Variants in PKD1L3 observed in about 807,000 individuals in gnomAD.
The protein encoded by PKD1L3 is polycystin 1 like 3, transient receptor potential channel interacting, also known as polycystin-1-like protein 3.
A neutral mutation model predicts 184.1 loss-of-function variants in PKD1L3; 239 were observed. The observed-to-expected ratio is 1.30, with a 90% CI of 1.17 to 1.45. The LOEUF (loss-of-function observed/expected upper bound fraction) is 1.45. PKD1L3 is among the 40% of genes most tolerant of loss of function. PKD1L3 has a pLI of 0.00. For missense variants in PKD1L3, 2,660 were observed against 2,067.2 expected (o/e 1.29, Z -5.56); for synonymous variants, 996 against 778.8 (o/e 1.28, Z -4.64).
At chr16:71,942,347 A>G (rs903266139) in intron 24 of PKD1L3, among the ~76,000 whole-genome samples, 7 of 152,030 alleles carry the variant, frequency 4.6e-5, no homozygotes, top group African/African-American at 1.7e-4. Flanking sequence ...AAACGAACCA[A>G]AATCCTGCAA....
chr16:71,932,832 T>C (rs1215053884), intron 28 of PKD1L3, among the ~76,000 whole-genome samples: 1 of 142,102 alleles, frequency 7.0e-6, no homozygotes, highest in South Asian at 2.2e-4. Context: ...GGGTCTGGAG[T>C]GTAGTGGCAT....
In PKD1L3 at chr16:71,937,048, CCAT is replaced by C. The variant is rs1035736881; in HGVS notation, c.4452+241_4452+243del. Among the ~76,000 whole-genome samples, 9 of 152,114 alleles carry C rather than the reference CCAT, an allele frequency of 5.9e-5. No individual in the cohort carries two copies. The East Asian group carries it at 1.4e-3, about 23-fold the overall frequency. On this transcript the variant is annotated intron_variant, in intron 25 of 29. Coordinates refer to ENST00000620267, the MANE Select transcript of PKD1L3 (RefSeq NM_181536.2). ...CAACCTTTATTTCTCACATCTAACA[CCAT>C]CATCATCATCATCATTATTTTTGAG...
chr16:71,993,081 G>C (rs2040652162), intron 3 of PKD1L3, 135 bp downstream of exon 3: 8 of 587,518 alleles, frequency 1.4e-5, no homozygotes, highest in African/African-American at 2.0e-5. Flanking sequence ...GCCATATTAA[G>C]ATCAGACAGA....
chr16:71,996,181 C>T (rs566947758), intron 2 of PKD1L3, among the ~76,000 whole-genome samples: 10 of 150,800 alleles, frequency 6.6e-5, no homozygotes, highest in Admixed American at 2.0e-4. Flanking sequence ...AGGATATGGA[C>T]GCTGATACAG....
chr16:71,980,252 A>G, intron 7 of PKD1L3, 118 bp from the exon 8 acceptor site: 3 of 1,309,084 alleles, frequency 2.3e-6, no homozygotes, highest in South Asian at 1.5e-5. Flanking sequence ...GAAGGGTAGT[A>G]TTCCTTAGAG....
At chr16:71,982,854 A>C (rs2040214298) in intron 6 of PKD1L3, among the ~76,000 whole-genome samples, 1 of 152,136 alleles carries the variant, frequency 6.6e-6, no homozygotes, top group Non-Finnish European at 1.5e-5. Context: ...TTGGCCTCCC[A>C]AAGTGTTTAG....
chr16:71,978,445 G>C, intron 9 of PKD1L3, 62 bp from the exon 10 acceptor site: 2 of 1,377,866 alleles, frequency 1.5e-6, no homozygotes, highest in Non-Finnish European at 2.0e-6. Context: ...GACCCCACTA[G>C]AAAGATATAT....
chr16:71,967,851 G>C, intron 14 of PKD1L3, 55 bp downstream of exon 14: 1 of 1,401,672 alleles, frequency 7.1e-7, no homozygotes, highest in Non-Finnish European at 9.8e-7. Flanking sequence ...AACTCAGAGT[G>C]TGTCTCATGT....
intron 19 of PKD1L3, among the ~76,000 whole-genome samples, chr16:71,951,157 A>T (rs2143370276): frequency 6.6e-6 from 1 of 151,870 alleles, no homozygotes; most frequent in East Asian, 1.9e-4. Flanking sequence ...CTCCTGCCTC[A>T]GCCTCCCCCG....
intron 16 of PKD1L3, among the ~76,000 whole-genome samples, chr16:71,959,183 G>A (rs368328553): frequency 1.3e-5 from 2 of 151,788 alleles, no homozygotes; most frequent in East Asian, 1.9e-4. Context: ...AGGCCAAGGT[G>A]GGTGGATCAC....
intron 16 of PKD1L3, among the ~76,000 whole-genome samples, chr16:71,957,037 G>T (rs1308656046): frequency 6.6e-6 from 1 of 152,148 alleles, no homozygotes; most frequent in Non-Finnish European, 1.5e-5. Flanking sequence ...GTATACTATT[G>T]AAATTAAGTT....
chr16:71,933,590 G>A (rs1394315522), intron 27 of PKD1L3, 69 bp from the exon 28 acceptor site: 33 of 1,158,104 alleles, frequency 2.8e-5, no homozygotes, highest in Non-Finnish European at 5.1e-6. Flanking sequence ...GGTGCTTGGG[G>A]ATGTGGCCAA....
rs2040863676 is a variant in PKD1L3, at chr16:71,998,393, T to C, written c.297A>G (p.Ala99=). 1 of 1,549,092 alleles carries C rather than the reference T, an allele frequency of 6.5e-7. No homozygotes were observed. The highest frequency in any genetic ancestry group is 1.2e-5 in the South Asian group (1 of 83,830). Residue 99 remains alanine, a splice_region_variant and synonymous_variant, in exon 2 of 30, where the codon GCA becomes GCG. Coordinates refer to ENST00000620267, the MANE Select transcript of PKD1L3 (RefSeq NM_181536.2). ...TTGGGGGCCCGTTGGCTGCAACGTC[T>C]GCTGAGGGGAGATCAGACGCAGATG... ...LKKHQDNKYP[A]DVAANGPPKP... is the part of the protein sequence containing the mutation.
chr16:71,982,001 C>T, intron 7 of PKD1L3, 58 bp downstream of exon 7: 5 of 1,418,796 alleles, frequency 3.5e-6, no homozygotes, highest in Non-Finnish European at 4.7e-6. Context: ...GATACCTGGA[C>T]CTGTCAAGAT....
At position 71,984,131 on chromosome 16, in the gene PKD1L3, C is replaced by T. The variant is rs189703340; in HGVS notation, c.871G>A (p.Val291Ile). ...DEIAGNFSRA[V>I]HGLQALNKLQ... ...TTGTTAAGAGCTTGCAAACCATGAA[C>T]TGCTCTGCTGAAGTTCCCTGCTATC... Residue 291 changes from valine (V) to isoleucine (I), a missense_variant, in exon 6 of 30, where the codon GTT becomes ATT. Val to Ile is a conservative substitution (Grantham distance 29, BLOSUM62 3). Coordinates refer to ENST00000620267, the MANE Select transcript of PKD1L3 (RefSeq NM_181536.2). The T allele has an allele frequency of 1.9e-4, 301 of 1,551,896 alleles. 1 individual carries two copies. Among genetic ancestry groups the T allele is most frequent in the Non-Finnish European group, 2.0e-4 (224 of 1,146,976 alleles).
Position 71,951,635 on chromosome 16 carries a change from A to G in PKD1L3, c.3119T>C (p.Leu1040Ser). 1 of 1,551,762 alleles carries G rather than the reference A, an allele frequency of 6.4e-7. No individual in the cohort carries two copies. The highest frequency in any genetic ancestry group is 8.7e-7 in the Non-Finnish European group (1 of 1,147,006). ...SWDITKLVKL[L>S]SSLVSSHLEG... ...CAAGTGAGATGATACGAGGCTGGAT[A>G]AAAGTTTCACCAGCTTAGTAATGTC... The change falls in exon 19 of 30, where the codon TTA becomes TCA. Residue 1040 changes from leucine to serine, a missense_variant. Leu to Ser is a moderately radical substitution (Grantham distance 145). Coordinates refer to ENST00000620267, the MANE Select transcript of PKD1L3 (RefSeq NM_181536.2).
At chr16:71,937,997 G>A (rs10852507) in intron 24 of PKD1L3, among the ~76,000 whole-genome samples, 29,284 of 152,140 alleles carry the variant, frequency 0.19, 3,530 homozygotes, top group Non-Finnish European at 0.27. Flanking sequence ...GGCTTTGTGC[G>A]CTGTTGAGCT....
chr16:71,964,188 T>C (rs1027906603), intron 15 of PKD1L3, among the ~76,000 whole-genome samples: 3 of 152,072 alleles, frequency 2.0e-5, no homozygotes, highest in Non-Finnish European at 4.4e-5. Context: ...CACCTGATTA[T>C]TCAACCTGTT....
At chr16:71,958,878 G>C (rs1418861253) in intron 16 of PKD1L3, among the ~76,000 whole-genome samples, 5 of 150,534 alleles carry the variant, frequency 3.3e-5, no homozygotes, top group Non-Finnish European at 7.4e-5. Flanking sequence ...CTTGAGCGCA[G>C]GAGTTTGAGA....
Sources: allele counts gnomAD v4.1 joint callset (sites outside exome capture counted in the v4.1 genomes callset), GRCh38; gene constraint gnomAD v4.1.1; transcripts MANE v1.5; gene names NCBI Gene and HGNC (gene_info 2026-07-23, HGNC 2026-07-21).